YTHDC2: variants seen among roughly 807,000 people sequenced by gnomAD.
The protein encoded by YTHDC2 is YTH N6-methyladenosine RNA binding protein C2, also known as 3'-5' RNA helicase YTHDC2.
In YTHDC2, 45 loss-of-function variants were observed where a neutral mutation model predicts 174.9. That is an observed-to-expected ratio of 0.26 (90% confidence interval 0.20 to 0.33). The LOEUF is 0.33. Ranked by LOEUF, YTHDC2 falls within the 10% of genes least tolerant of loss-of-function variation. The probability of loss-of-function intolerance (pLI) is 1.00; values close to 1 mark genes in which losing one functional copy is unlikely to be tolerated. For synonymous variants in YTHDC2, 657 were observed against 574.5 expected (o/e 1.14, Z -2.05); for missense variants, 1,650 against 1,723.7 (o/e 0.96, Z 0.76).
intron 7 of YTHDC2, among the ~76,000 whole-genome samples, chr5:113,537,069 A>T (rs555777934): frequency 6.6e-6 from 1 of 152,174 alleles, no homozygotes; most frequent in African/African-American, 2.4e-5. Context: ...CCTGCCAACA[A>T]TGTTATAATG....
intron 4 of YTHDC2, 48 bp from the exon 5 acceptor site, chr5:113,532,831 G>A (rs1774767090): frequency 6.6e-7 from 1 of 1,524,854 alleles, no homozygotes; most frequent in East Asian, 2.3e-5. Context: ...TAGATTTTTT[G>A]TATTATGTGA....
chr5:113,549,052 A>G (rs761003884), intron 12 of YTHDC2, 32 bp downstream of exon 12: 2 of 1,558,256 alleles, frequency 1.3e-6, no homozygotes, highest in East Asian at 2.2e-5. Context: ...AATTAATTCT[A>G]CCGTCTCTTA....
At chr5:113,534,462 A>G in intron 6 of YTHDC2, 55 bp downstream of exon 6, 2 of 1,481,202 alleles carry the variant, frequency 1.4e-6, no homozygotes, top group East Asian at 2.3e-5. Context: ...AAATTTAAAT[A>G]CATATGCCGT....
chr5:113,548,686 G>T lies in YTHDC2; in HGVS notation c.1622+19G>T. 1 of 1,598,744 alleles carries T rather than the reference G, an allele frequency of 6.3e-7. No individual in the cohort carries two copies. Among genetic ancestry groups the T allele is most frequent in the South Asian group, 1.1e-5 (1 of 87,620 alleles). ...ATGGCTGGTAATTTTAAACTACGTT[G>T]ATTCTTCATATATCTTTGTATAGCT... On this transcript the variant is annotated intron_variant, in intron 11 of 29. Coordinates refer to ENST00000161863, the MANE Select transcript of YTHDC2 (RefSeq NM_022828.5).
At chr5:113,517,131 T>C (rs776532335) in intron 2 of YTHDC2, among the ~76,000 whole-genome samples, 2 of 152,240 alleles carry the variant, frequency 1.3e-5, no homozygotes, top group African/African-American at 2.4e-5. Context: ...TAATAAAATA[T>C]GGCCATCACC....
chr5:113,553,727 A>G (rs1293202035), intron 14 of YTHDC2, 40 bp from the exon 15 acceptor site: 1 of 1,612,800 alleles, frequency 6.2e-7, no homozygotes, highest in Admixed American at 1.7e-5. Flanking sequence ...AAAATAACGG[A>G]CAGGTCTTAT....
chr5:113,541,573 T>G (rs1488956169), intron 9 of YTHDC2, among the ~76,000 whole-genome samples: 4 of 152,168 alleles, frequency 2.6e-5, no homozygotes, highest in African/African-American at 9.7e-5. Context: ...TCAGAGCAAC[T>G]TTCTACTCTT....
intron 26 of YTHDC2, among the ~76,000 whole-genome samples, chr5:113,587,003 G>T (rs1454859553): frequency 7.8e-3 from 1 of 128 alleles, no homozygotes; most frequent in African/African-American, 0.024. Context: ...TATATATTAT[G>T]TATTCATATA....
At chr5:113,573,879 T>C (rs978526737) in intron 23 of YTHDC2, among the ~76,000 whole-genome samples, 5 of 152,206 alleles carry the variant, frequency 3.3e-5, no homozygotes, top group African/African-American at 1.2e-4. Flanking sequence ...ATCATGATTC[T>C]TAGCTTTTTT....
chr5:113,514,334 C>A, intron 1 of YTHDC2: 1 of 679,406 alleles, frequency 1.5e-6, no homozygotes, highest in Non-Finnish European at 2.7e-6. Context: ...AGTGTTTTTC[C>A]CCCGCGTCTT....
At chr5:113,558,696 G>A (rs1019587356) in intron 17 of YTHDC2, among the ~76,000 whole-genome samples, 2 of 152,004 alleles carry the variant, frequency 1.3e-5, no homozygotes, top group South Asian at 2.1e-4. Context: ...GGCTGAGGCG[G>A]GCAGATCACA....
chr5:113,539,726 CTT>C (rs1775318553), intron 8 of YTHDC2, among the ~76,000 whole-genome samples: 3 of 152,182 alleles, frequency 2.0e-5, no homozygotes, highest in Admixed American at 2.0e-4. Flanking sequence ...TCATAGAAGA[CTT>C]GGCTTCAAGC....
intron 24 of YTHDC2, among the ~76,000 whole-genome samples, chr5:113,580,663 A>G (rs1317350261): frequency 6.6e-6 from 1 of 152,184 alleles, no homozygotes; most frequent in Non-Finnish European, 1.5e-5. Context: ...TGCCAAGGTC[A>G]ACTGTGTCCT....
At chr5:113,547,047 C>T (rs142619583) in intron 10 of YTHDC2, among the ~76,000 whole-genome samples, 7 of 152,242 alleles carry the variant, frequency 4.6e-5, no homozygotes, top group East Asian at 1.9e-4. Context: ...ACCTCTTTCA[C>T]GTTATTCTGT....
intron 17 of YTHDC2, 100 bp downstream of exon 17, chr5:113,556,234 G>A (rs1342599130): frequency 5.3e-6 from 3 of 563,594 alleles, no homozygotes; most frequent in African/African-American, 2.0e-5. Context: ...CAATAAAATA[G>A]TAGTTTTCAT....
intron 18 of YTHDC2, 51 bp downstream of exon 18, chr5:113,561,236 G>C: frequency 1.4e-6 from 2 of 1,441,510 alleles, no homozygotes; most frequent in Non-Finnish European, 1.9e-6. Context: ...AGGGAAGTGA[G>C]GGGCCATTTC....
In YTHDC2 at chr5:113,593,485, T is replaced by G; in HGVS notation, c.*11T>G. The G allele has an allele frequency of 6.0e-6, 6 of 997,182 alleles. No individual in the cohort carries two copies. The highest frequency in any genetic ancestry group is 8.8e-6 in the Non-Finnish European group (6 of 682,174). The allele number at this position is 997,182 out of a possible 1,614,324, so 61.8% of individuals were successfully genotyped here. On this transcript the variant is annotated 3_prime_UTR_variant, in exon 30 of 30. Transcript: ENST00000161863. ...TTTTTTTTCCCCTTTCTTCTAGAAC[T>G]CTTAGCTGTGGAAGAACATCATGCC...
In YTHDC2 at chr5:113,561,634, A is replaced by G. The variant is rs543183175; in HGVS notation, c.2322+449A>G. The stretch of plus-strand genomic sequence containing the variant: ...CAGGCGCCCACCACCGTGCCCAGCT[A>G]ATTTTTATATTTTCAGTAGAGACAG... On this transcript the variant is annotated intron_variant, in intron 18 of 29. Transcript: ENST00000161863. Among the ~76,000 whole-genome samples the G allele has an allele frequency of 4.6e-5, 7 of 151,870 alleles. No homozygotes were observed. The South Asian group carries it at 1.5e-3, about 32-fold the overall frequency.
At chr5:113,578,064 C>T (rs1335192180) in intron 23 of YTHDC2, among the ~76,000 whole-genome samples, 1 of 151,950 alleles carries the variant, frequency 6.6e-6, no homozygotes, top group Non-Finnish European at 1.5e-5. Flanking sequence ...AATTAAGGTC[C>T]ATTTTGTCTT....
Sources: gnomAD v4.1 joint callset for allele counts (sites outside exome capture counted in the v4.1 genomes callset) on GRCh38, gnomAD v4.1.1 for gene constraint, MANE v1.5 for transcripts, NCBI Gene and HGNC (gene_info 2026-07-23, HGNC 2026-07-21) for gene names.